RGS7: variants seen among roughly 807,000 people sequenced by gnomAD.
RGS7 encodes regulator of G-protein signaling 7.
Under a neutral mutation model 81.1 loss-of-function variants are expected in RGS7, and 27 were observed. That is an observed-to-expected ratio of 0.33 (90% CI 0.25 to 0.46). The LOEUF is 0.46. Among genes scored for constraint, RGS7 ranks in the 20% least tolerant of loss-of-function variants. The probability of loss-of-function intolerance (pLI) is 1.00; values close to 1 mark genes in which losing one functional copy is unlikely to be tolerated. For synonymous variants in RGS7, 208 were observed against 207.7 expected (o/e 1.00, Z -0.01); for missense variants, 396 against 607.4 (o/e 0.65, Z 3.66).
At chr1:240,874,379 A>C (rs1664998816) in intron 6 of RGS7, among the ~76,000 whole-genome samples, 1 of 152,108 alleles carries the variant, frequency 6.6e-6, no homozygotes, top group Non-Finnish European at 1.5e-5. Flanking sequence ...AGAACCATGA[A>C]CTGAGGCCTC....
At chr1:240,940,567 C>G (rs536238386) in intron 4 of RGS7, among the ~76,000 whole-genome samples, 1 of 152,216 alleles carries the variant, frequency 6.6e-6, no homozygotes, top group Admixed American at 6.5e-5. Context: ...AGCACACTTT[C>G]CCGGAAGAAA....
chr1:240,974,539 G>C (rs1229200214), intron 4 of RGS7, among the ~76,000 whole-genome samples: 2 of 152,136 alleles, frequency 1.3e-5, no homozygotes. Context: ...TGTGTCCTCT[G>C]CCATTATGTT....
intron 3 of RGS7, among the ~76,000 whole-genome samples, chr1:241,062,860 TG>T (rs2061818665): frequency 6.6e-6 from 1 of 152,198 alleles, no homozygotes; most frequent in South Asian, 2.1e-4. Flanking sequence ...CTATTACTTC[TG>T]TAAATAGCCT....
intron 6 of RGS7, chr1:240,920,618 A>G (rs1673359627): frequency 4.5e-6 from 5 of 1,099,166 alleles, no homozygotes; most frequent in Admixed American, 1.7e-5. Flanking sequence ...TTTAATTAGG[A>G]AACAAAGCTT....
intron 18 of RGS7, among the ~76,000 whole-genome samples, chr1:240,779,099 TTGTGTGTGTGTGTGTGTG>T (rs71172643): frequency 6.9e-6 from 1 of 144,194 alleles, no homozygotes; most frequent in Non-Finnish European, 1.5e-5. Context: ...TTAGTGTTCT[TTGTGTGTGTGTGTGTGTG>T]TGTGTGTGTG....
rs190195053 is a variant in RGS7, at chr1:241,320,822, G to T, written c.78+34877C>A. 7.9e-5 allele frequency among the ~76,000 whole-genome samples: 12 copies of T among 152,314 alleles called. No homozygotes were observed. In the East Asian group the frequency reaches 2.3e-3, roughly 29 times the overall value. ...CTTTCTGTAGCAGGAACAAAAAGGG[G>T]TGCTGTGGGGTGTGGGGACAAGCCT... On this transcript the variant is annotated intron_variant, in intron 2 of 18. Coordinates refer to ENST00000440928, the MANE Select transcript of RGS7 (RefSeq NM_001364886.1).
intron 6 of RGS7, among the ~76,000 whole-genome samples, chr1:240,874,752 T>C (rs1665076407): frequency 6.6e-6 from 1 of 152,188 alleles, no homozygotes; most frequent in Non-Finnish European, 1.5e-5. Flanking sequence ...TTTGAAAATC[T>C]ACTCTCGGCC....
In RGS7 at chr1:241,141,677, T is replaced by C. The variant is rs113696232; in HGVS notation, c.79-42915A>G. On this transcript the variant is annotated intron_variant, in intron 2 of 18. Transcript: ENST00000440928. ...GGGGGTAACCACCCCTATGATTCAA[T>C]TACCTCCCATAGGGTCCCTCACACC... Among the ~76,000 whole-genome samples the C allele has an allele frequency of 4.8e-3, 737 of 152,228 alleles. 9 individuals are homozygous for C. Among genetic ancestry groups the C allele is most frequent in the African/African-American group, 0.017 (687 of 41,550 alleles).
At chr1:240,924,752 G>A (rs1337966036) in intron 6 of RGS7, among the ~76,000 whole-genome samples, 1 of 152,154 alleles carries the variant, frequency 6.6e-6, no homozygotes, top group African/African-American at 2.4e-5. Context: ...AATATTAATT[G>A]TATTACCACT....
intron 3 of RGS7, among the ~76,000 whole-genome samples, chr1:241,052,472 T>A (rs3003552): frequency 1.3e-5 from 2 of 152,260 alleles, no homozygotes; most frequent in African/African-American, 4.8e-5. Context: ...CCATGCACAG[T>A]GTCATGTACC....
intron 9 of RGS7, among the ~76,000 whole-genome samples, chr1:240,857,648 T>C (rs1661386637): frequency 6.6e-6 from 1 of 152,198 alleles, no homozygotes; most frequent in South Asian, 2.1e-4. Flanking sequence ...CTTCTAAGAC[T>C]GGTTTCTTTC....
At chr1:240,852,146 ATTG>A (rs1363323804) in intron 9 of RGS7, among the ~76,000 whole-genome samples, 1 of 152,140 alleles carries the variant, frequency 6.6e-6, no homozygotes, top group Admixed American at 6.5e-5. Flanking sequence ...GGCAAACTTT[ATTG>A]TTGTTTTATT....
intron 2 of RGS7, among the ~76,000 whole-genome samples, chr1:241,316,158 CTGCCACTATCTACCTAGAGA>C (rs1235338847): frequency 6.6e-6 from 1 of 152,014 alleles, no homozygotes; most frequent in Non-Finnish European, 1.5e-5. Flanking sequence ...CAGTACAGTC[CTGCCACTATCTACCTAGAGA>C]TAGTGTTTCC....
chr1:240,857,040 T>C (rs1212135780), intron 9 of RGS7, among the ~76,000 whole-genome samples: 1 of 152,142 alleles, frequency 6.6e-6, no homozygotes, highest in Admixed American at 6.5e-5. Context: ...GGAACAACCA[T>C]CAGCTTTTCT....
Position 240,813,578 on chromosome 1 carries a change from T to C in RGS7, c.956+40A>G, listed in dbSNP as rs374167934. ...TTCCCATTTCACTCAGACCCTGAAA[T>C]AAAGCAACATATGGGCGAGAAAGAT... is the stretch of plus-strand genomic sequence containing the variant. On this transcript the variant is annotated intron_variant, in intron 13 of 18. Coordinates refer to ENST00000440928, the MANE Select transcript of RGS7 (RefSeq NM_001364886.1). 256 of 1,248,840 alleles carry C rather than the reference T, an allele frequency of 2.0e-4. 3 individuals carry two copies. Among genetic ancestry groups the C allele is most frequent in the South Asian group, 1.3e-3 (109 of 83,062 alleles). The allele number at this position is 1,248,840 out of a possible 1,614,324, so 77.4% of individuals were successfully genotyped here.
intron 2 of RGS7, among the ~76,000 whole-genome samples, chr1:241,100,631 G>A (rs1294619611): frequency 1.3e-5 from 2 of 152,026 alleles, no homozygotes; most frequent in East Asian, 1.9e-4. Flanking sequence ...CTAAGACTCA[G>A]TTTTCTGATC....
chr1:241,262,625 G>A (rs146466243), intron 2 of RGS7, among the ~76,000 whole-genome samples: 45 of 152,172 alleles, frequency 3.0e-4, no homozygotes, highest in East Asian at 1.4e-3. Flanking sequence ...ACTATTGTTC[G>A]TAGCAACATA....
At chr1:240,831,991 C>G (rs1054160461) in intron 9 of RGS7, among the ~76,000 whole-genome samples, 3 of 152,122 alleles carry the variant, frequency 2.0e-5, no homozygotes, top group African/African-American at 7.2e-5. Flanking sequence ...ACATGGCAAA[C>G]ACTATTCCTT....
At chr1:241,303,242 G>C (rs2079881911) in intron 2 of RGS7, among the ~76,000 whole-genome samples, 1 of 152,114 alleles carries the variant, frequency 6.6e-6, no homozygotes, top group South Asian at 2.1e-4. Context: ...CTGTTCTTGT[G>C]ATAATGAGTG....
Sources: gnomAD v4.1 joint callset for allele counts (sites outside exome capture counted in the v4.1 genomes callset) on GRCh38, gnomAD v4.1.1 for gene constraint, MANE v1.5 for transcripts, NCBI Gene and HGNC (gene_info 2026-07-23, HGNC 2026-07-21) for gene names.